Variants in TOM1L2 observed in about 807,000 individuals in gnomAD.
TOM1L2 encodes TOM1-like protein 2.
In TOM1L2, 31 loss-of-function variants were observed where a neutral mutation model predicts 67.9. The observed-to-expected ratio is 0.46, with a 90% CI of 0.34 to 0.62. The LOEUF is 0.62. Ranked by LOEUF, TOM1L2 falls within the 20% of genes least tolerant of loss-of-function variation. TOM1L2 has a pLI of 0.01. For synonymous variants in TOM1L2, 256 were observed against 254.0 expected (o/e 1.01, Z -0.07); for missense variants, 606 against 663.5 (o/e 0.91, Z 0.95).
intron 7 of TOM1L2, among the ~76,000 whole-genome samples, chr17:17,876,647 C>T (rs756890215): frequency 2.6e-5 from 4 of 152,214 alleles, no homozygotes; most frequent in Non-Finnish European, 4.4e-5. Context: ...CAGGCACTGC[C>T]AAGGTGCAAG....
intron 1 of TOM1L2, among the ~76,000 whole-genome samples, chr17:17,931,990 T>C (rs1024839046): frequency 6.6e-6 from 1 of 152,238 alleles, no homozygotes; most frequent in Non-Finnish European, 1.5e-5. Context: ...TGTATATCAC[T>C]GACCAATGCC....
intron 1 of TOM1L2, among the ~76,000 whole-genome samples, chr17:17,914,989 T>TCA (rs1466418835): frequency 2.6e-5 from 4 of 152,214 alleles, no homozygotes; most frequent in Non-Finnish European, 5.9e-5. Context: ...GAGTGTGCTG[T>TCA]CACTGCTTGT....
At chr17:17,853,738 C>T (rs903966755) in intron 12 of TOM1L2, among the ~76,000 whole-genome samples, 1 of 152,192 alleles carries the variant, frequency 6.6e-6, no homozygotes, top group Non-Finnish European at 1.5e-5. Context: ...TGGGGTGAGT[C>T]GCTCCTCTCT....
intron 1 of TOM1L2, among the ~76,000 whole-genome samples, chr17:17,933,288 T>C (rs1306265643): frequency 2.0e-5 from 3 of 152,170 alleles, no homozygotes; most frequent in African/African-American, 7.2e-5. Context: ...GCCATCTTAT[T>C]TATGAAGAGG....
rs2035666788 is a variant in TOM1L2, at chr17:17,846,808, C to T, written c.*827G>A. The T allele has an allele frequency of 6.6e-6, 1 of 152,578 alleles. No homozygotes were observed. The allele number at this position is 152,578 out of a possible 1,614,324, so 9.5% of individuals were successfully genotyped here. On this transcript the variant is annotated 3_prime_UTR_variant, in exon 15 of 15. Transcript: ENST00000379504. ...AATACCTCCAGTGCAAGTCCCTCCA[C>T]AAGCCAGGACCAGGTGTGCGGGTGT...
At chr17:17,905,505 T>G (rs146301377) in intron 2 of TOM1L2, among the ~76,000 whole-genome samples, 18 of 152,332 alleles carry the variant, frequency 1.2e-4, no homozygotes, top group Middle Eastern at 3.4e-3. Flanking sequence ...CTCACACCAG[T>G]ATTACTGTGA....
intron 1 of TOM1L2, among the ~76,000 whole-genome samples, chr17:17,957,533 G>A (rs1003767206): frequency 3.9e-5 from 6 of 151,948 alleles, no homozygotes; most frequent in African/African-American, 1.5e-4. Context: ...GTAAGCATGT[G>A]TCAAAATTAT....
intron 1 of TOM1L2, among the ~76,000 whole-genome samples, chr17:17,961,578 A>G (rs986229069): frequency 2.6e-5 from 4 of 151,642 alleles, no homozygotes; most frequent in Non-Finnish European, 5.9e-5. Context: ...GTGTCTCTTA[A>G]AAAAAAATTG....
intron 3 of TOM1L2, among the ~76,000 whole-genome samples, chr17:17,898,107 G>T (rs948432296): frequency 6.6e-6 from 1 of 151,962 alleles, no homozygotes; most frequent in Non-Finnish European, 1.5e-5. Context: ...TGTATTTTTA[G>T]TAGAGACTGG....
chr17:17,888,480 A>T (rs1488894723), intron 4 of TOM1L2, among the ~76,000 whole-genome samples: 1 of 152,204 alleles, frequency 6.6e-6, no homozygotes, highest in Non-Finnish European at 1.5e-5. Flanking sequence ...TTTGGATAGA[A>T]GGGAGCTTCT....
chr17:17,879,041 G>C (rs2037575504), intron 7 of TOM1L2, among the ~76,000 whole-genome samples: 1 of 152,318 alleles, frequency 6.6e-6, no homozygotes, highest in Non-Finnish European at 1.5e-5. Context: ...AGGCGGGGAG[G>C]CCAGTTTGCA....
chr17:17,880,827 G>C (rs2037684540), intron 6 of TOM1L2, among the ~76,000 whole-genome samples: 1 of 152,198 alleles, frequency 6.6e-6, no homozygotes, highest in African/African-American at 2.4e-5. Flanking sequence ...CCTTGTTCCT[G>C]CTCAAAGGTC....
rs1486206873 is a variant in TOM1L2, at chr17:17,862,743, T to C, written c.1190A>G (p.Glu397Gly). The part of the protein sequence containing the change: ...FAQTRGNSLA[E>G]QRKTVTYEDP... ...GGGCCCCACATACGTCTTGCGCTGC[T>C]CAGCCAAGGAGTTTCCTCTCGTCTG... The change falls in exon 11 of 15, where the codon GAG (glutamate) becomes GGG (glycine). Residue 397 changes from glutamate (E) to glycine (G), a missense_variant. Physicochemically the swap from Glu to Gly is moderately conservative, Grantham distance 98. Transcript: ENST00000379504. The C allele has an allele frequency of 1.2e-6, 2 of 1,613,386 alleles. No homozygotes were observed. Among genetic ancestry groups the C allele is most frequent in the African/African-American group, 2.7e-5 (2 of 75,032 alleles).
intron 1 of TOM1L2, among the ~76,000 whole-genome samples, chr17:17,955,869 G>A (rs1005539513): frequency 2.0e-5 from 3 of 152,182 alleles, no homozygotes; most frequent in African/African-American, 7.2e-5. Flanking sequence ...GGCTTCAAGA[G>A]TGAAGCTGCA....
At chr17:17,910,043 GT>G (rs748374050) in intron 1 of TOM1L2, among the ~76,000 whole-genome samples, 2 of 152,118 alleles carry the variant, frequency 1.3e-5, no homozygotes, top group Non-Finnish European at 2.9e-5. Flanking sequence ...AAAACTTTTT[GT>G]TGAATGGTTA....
At position 17,965,062 on chromosome 17, in the gene TOM1L2, G is replaced by A. The variant is rs552398859; in HGVS notation, c.52+7200C>T. Among the ~76,000 whole-genome samples the A allele has an allele frequency of 1.2e-4, 18 of 152,164 alleles. No homozygotes were observed. In the South Asian group the frequency reaches 3.7e-3, roughly 32 times the overall value. On this transcript the variant is annotated intron_variant, in intron 1 of 14. Coordinates refer to ENST00000379504, the MANE Select transcript of TOM1L2 (RefSeq NM_001082968.2). Reference sequence around the variant, plus strand: ...CTTCATAGACAGTGTCCCTACCCTTGACCACAGCTGACATCCCCCCTCCTT... The same window carrying A: ...CTTCATAGACAGTGTCCCTACCCTTAACCACAGCTGACATCCCCCCTCCTT...
At position 17,862,863 on chromosome 17, in the gene TOM1L2, C is replaced by T; in HGVS notation, c.1085-15G>A. The T allele has an allele frequency of 6.3e-7, 1 of 1,586,846 alleles. No individual in the cohort carries two copies. The highest frequency in any genetic ancestry group is 1.1e-5 in the South Asian group (1 of 90,632). On this transcript the variant is annotated splice_polypyrimidine_tract_variant and intron_variant, in intron 10 of 14. Transcript: ENST00000379504. ...TGTCCCCAAGTCTGTGGCAACAAAA[C>T]AAATGGGTGGCAGATGAGAACAAAA...
intron 8 of TOM1L2, among the ~76,000 whole-genome samples, chr17:17,867,818 G>A (rs2143816617): frequency 6.6e-6 from 1 of 152,212 alleles, no homozygotes; most frequent in Admixed American, 6.5e-5. Flanking sequence ...TGTCCACTGT[G>A]GTTTTAAAAA....
intron 1 of TOM1L2, among the ~76,000 whole-genome samples, chr17:17,945,523 G>C (rs1394478570): frequency 1.3e-5 from 2 of 152,178 alleles, no homozygotes; most frequent in Non-Finnish European, 2.9e-5. Flanking sequence ...TTGATGAAAA[G>C]ATAGACCCTC....
Sources: gnomAD v4.1 joint callset for allele counts (sites outside exome capture counted in the v4.1 genomes callset) on GRCh38, gnomAD v4.1.1 for gene constraint, MANE v1.5 for transcripts, NCBI Gene and HGNC (gene_info 2026-07-23, HGNC 2026-07-21) for gene names.